Variants in RTN1 observed in about 807,000 individuals in gnomAD.
The protein encoded by RTN1 is reticulon 1, also known as reticulon-1.
A neutral mutation model predicts 65.5 loss-of-function variants in RTN1; 25 were observed. That is an observed-to-expected ratio of 0.38 (90% CI 0.28 to 0.53). RTN1 has a LOEUF of 0.53. Among genes scored for constraint, RTN1 ranks in the 20% least tolerant of loss-of-function variants. The probability of loss-of-function intolerance (pLI) is 0.79; values close to 1 mark genes in which losing one functional copy is unlikely to be tolerated. For synonymous variants in RTN1, 471 were observed against 447.6 expected, an observed-to-expected ratio of 1.05 and a Z score of -0.66; for missense variants, 983 against 1,025.4, an observed-to-expected ratio of 0.96 and a Z score of 0.57.
Position 59,618,396 on chromosome 14 carries a change from T to G in RTN1, c.1766-10904A>C, listed in dbSNP as rs141597556. On this transcript the variant is annotated intron_variant, in intron 3 of 8. Transcript: ENST00000267484. ...CTGGCTCATCTGATTTTGTGGCCCC[T>G]ACCCAGGAACTGACTGAGCACAAGA... 9.5e-3 allele frequency among the ~76,000 whole-genome samples: 1,451 copies of G among 152,272 alleles called. 16 individuals carry two copies. Among genetic ancestry groups the G allele is most frequent in the South Asian group, 0.022 (108 of 4,822 alleles).
intron 1 of RTN1, among the ~76,000 whole-genome samples, chr14:59,778,541 A>T (rs1040698045): frequency 2.0e-5 from 3 of 152,196 alleles, no homozygotes; most frequent in African/African-American, 7.2e-5. Flanking sequence ...TCTGTGCCAG[A>T]CACTGGAATA....
chr14:59,817,696 C>T (rs1028244288), intron 1 of RTN1, among the ~76,000 whole-genome samples: 1 of 151,724 alleles, frequency 6.6e-6, no homozygotes, highest in Non-Finnish European at 1.5e-5. Flanking sequence ...AACATTTCCA[C>T]GACTCTTGGA....
intron 6 of RTN1, 163 bp downstream of exon 6, chr14:59,603,689 C>T (rs1881651598): frequency 4.3e-6 from 2 of 459,974 alleles, no homozygotes; most frequent in African/African-American, 3.9e-5. Context: ...ATATATTATA[C>T]TCTTTAATTG....
intron 2 of RTN1, among the ~76,000 whole-genome samples, chr14:59,743,932 G>A (rs769384521): frequency 5.9e-5 from 9 of 152,228 alleles, no homozygotes; most frequent in African/African-American, 1.9e-4. Context: ...CCCATCAGTC[G>A]TGCCTCATAG....
intron 1 of RTN1, among the ~76,000 whole-genome samples, chr14:59,786,273 C>A (rs1023259006): frequency 6.6e-6 from 1 of 152,166 alleles, no homozygotes; most frequent in African/African-American, 2.4e-5. Context: ...AATTCATGTG[C>A]CACTATTTAC....
At chr14:59,860,162 A>T (rs537353832) in intron 1 of RTN1, among the ~76,000 whole-genome samples, 1 of 152,198 alleles carries the variant, frequency 6.6e-6, no homozygotes, top group Non-Finnish European at 1.5e-5. Flanking sequence ...CACAGGCCCC[A>T]AGGCCTAGGA....
chr14:59,866,344 C>T (rs1177241775), intron 1 of RTN1, among the ~76,000 whole-genome samples: 4 of 151,954 alleles, frequency 2.6e-5, no homozygotes, highest in Non-Finnish European at 5.9e-5. Flanking sequence ...CAGGGATAGA[C>T]AATAAAATGG....
intron 3 of RTN1, among the ~76,000 whole-genome samples, chr14:59,609,410 A>C (rs1881875838): frequency 6.6e-6 from 1 of 151,958 alleles, no homozygotes; most frequent in African/African-American, 2.4e-5. Flanking sequence ...AACATGAATG[A>C]GTTCACCAAA....
At chr14:59,599,956 G>T (rs1159212091) in intron 8 of RTN1, among the ~76,000 whole-genome samples, 2 of 151,974 alleles carry the variant, frequency 1.3e-5, no homozygotes, top group Non-Finnish European at 2.9e-5. Flanking sequence ...CTAGACATAG[G>T]GAATTGTATT....
chr14:59,645,073 C>T (rs1882861591), intron 3 of RTN1, among the ~76,000 whole-genome samples: 1 of 152,204 alleles, frequency 6.6e-6, no homozygotes, highest in South Asian at 2.1e-4. Flanking sequence ...AGCAAAGCAG[C>T]TCTGTGAAGC....
At chr14:59,614,456 A>C (rs1423998740) in intron 3 of RTN1, among the ~76,000 whole-genome samples, 1 of 152,232 alleles carries the variant, frequency 6.6e-6, no homozygotes. Flanking sequence ...TGGCTTAGAA[A>C]CATAAGTGCT....
At chr14:59,725,866 A>C (rs529597961) in intron 3 of RTN1, among the ~76,000 whole-genome samples, 1 of 152,218 alleles carries the variant, frequency 6.6e-6, no homozygotes, top group Non-Finnish European at 1.5e-5. Context: ...TAGCATAGAC[A>C]CAGGAAAGAG....
chr14:59,606,773 T>G (rs140930120), intron 4 of RTN1, among the ~76,000 whole-genome samples: 1 of 152,330 alleles, frequency 6.6e-6, no homozygotes, highest in African/African-American at 2.4e-5. Flanking sequence ...AGTATAAAAA[T>G]GTAGAGGAGG....
chr14:59,833,180 T>C (rs1017042347), intron 1 of RTN1, among the ~76,000 whole-genome samples: 30 of 152,204 alleles, frequency 2.0e-4, no homozygotes, highest in Non-Finnish European at 4.4e-4. Flanking sequence ...AATATGACAA[T>C]GCAGCCTCAG....
At chr14:59,596,828 A>G in intron 8 of RTN1, 41 bp from the exon 9 acceptor site, 1 of 1,489,980 alleles carries the variant, frequency 6.7e-7, no homozygotes, top group Non-Finnish European at 9.4e-7. Flanking sequence ...CACAAGTGTT[A>G]TTAATGAAAT....
In RTN1 at chr14:59,610,422, T is replaced by C. The variant is rs570299733; in HGVS notation, c.1766-2930A>G. 1.8e-4 allele frequency among the ~76,000 whole-genome samples: 28 copies of C among 152,360 alleles called. 1 individual carries two copies. In the South Asian group the frequency reaches 4.6e-3, roughly 25 times the overall value. On this transcript the variant is annotated intron_variant, in intron 3 of 8. Coordinates refer to ENST00000267484, the MANE Select transcript of RTN1 (RefSeq NM_021136.3). ...CAATATTATCTATTTACATTGATTCTGAAATGTTCAAAGCACTCTCATATG... is the reference window on the plus strand; with the variant it reads ...CAATATTATCTATTTACATTGATTCCGAAATGTTCAAAGCACTCTCATATG...
At chr14:59,834,985 C>T (rs559009932) in intron 1 of RTN1, among the ~76,000 whole-genome samples, 1 of 152,282 alleles carries the variant, frequency 6.6e-6, no homozygotes, top group South Asian at 2.1e-4. Context: ...TATGATCCAG[C>T]CATTCTACTC....
chr14:59,650,704 T>C (rs571667391), intron 3 of RTN1, among the ~76,000 whole-genome samples: 1 of 152,290 alleles, frequency 6.6e-6, no homozygotes, highest in South Asian at 2.1e-4. Context: ...TAACCAGGGA[T>C]TGTAAGATCT....
intron 2 of RTN1, among the ~76,000 whole-genome samples, chr14:59,730,355 G>A (rs1258733677): frequency 1.3e-5 from 2 of 152,152 alleles, no homozygotes; most frequent in African/African-American, 4.8e-5. Context: ...CCTACCTCAT[G>A]TTGTATTTTA....
Sources: gnomAD v4.1 joint callset for allele counts (sites outside exome capture counted in the v4.1 genomes callset) on GRCh38, gnomAD v4.1.1 for gene constraint, MANE v1.5 for transcripts, NCBI Gene and HGNC (gene_info 2026-07-23, HGNC 2026-07-21) for gene names.